The following WWOX variants were observed in gnomAD, a reference collection of about 807,000 sequenced individuals.
The protein encoded by WWOX is WW domain-containing oxidoreductase.
A neutral mutation model predicts 46.2 loss-of-function variants in WWOX; 69 were observed. The observed-to-expected ratio is 1.49, with a 90% CI of 1.23 to 1.82. WWOX has a LOEUF of 1.82. Among genes scored for constraint, WWOX ranks in the 40% most tolerant of loss-of-function variants. The pLI, the probability that WWOX is intolerant of heterozygous loss-of-function variation, is 0.00. For synonymous variants in WWOX, 359 were observed against 202.6 expected (o/e 1.77, Z -6.56); for missense variants, 919 against 542.6 (o/e 1.69, Z -6.89).
chr16:79,017,610 A>G (rs1340984923), intron 8 of WWOX, among the ~76,000 whole-genome samples: 1 of 152,102 alleles, frequency 6.6e-6, no homozygotes, highest in African/African-American at 2.4e-5. Flanking sequence ...AGCCATGGAC[A>G]ATTCATAAAT....
In WWOX at chr16:79,051,075, C is replaced by T. The variant is rs2048158589; in HGVS notation, c.1057-160533C>T. 2.0e-5 allele frequency among the ~76,000 whole-genome samples: 3 copies of T among 152,224 alleles called. No homozygotes were observed. The South Asian group carries it at 6.2e-4, about 32-fold the overall frequency. On this transcript the variant is annotated intron_variant, in intron 8 of 8. Coordinates refer to ENST00000566780, the MANE Select transcript of WWOX (RefSeq NM_016373.4). ...AAGGAAGCTGTAGCCATTATATTTG[C>T]TGCCATCACAACAGTAAAATAAACA...
At chr16:78,985,969 C>G (rs1369004414) in intron 8 of WWOX, among the ~76,000 whole-genome samples, 1 of 152,224 alleles carries the variant, frequency 6.6e-6, no homozygotes, top group African/African-American at 2.4e-5. Flanking sequence ...AAGTTCATGG[C>G]TCAGAGCCAA....
chr16:79,172,215 T>G (rs1443369964), intron 8 of WWOX, among the ~76,000 whole-genome samples: 1 of 152,214 alleles, frequency 6.6e-6, no homozygotes, highest in Non-Finnish European at 1.5e-5. Context: ...CTTGTTTTAT[T>G]TCCCCACTTG....
At position 78,675,832 on chromosome 16, in the gene WWOX, T is replaced by A. The variant is rs79227389; in HGVS notation, c.1056+243080T>A. On this transcript the variant is annotated intron_variant, in intron 8 of 8. Coordinates refer to ENST00000566780, the MANE Select transcript of WWOX (RefSeq NM_016373.4). The stretch of plus-strand genomic sequence containing the variant: ...GTACTAAAAAATTATTAAAAGAAAA[T>A]ATATATATTTTTTTAAATCATGACT... 6.7e-3 allele frequency among the ~76,000 whole-genome samples: 1,023 copies of A among 151,880 alleles called. 13 individuals are homozygous for A. The highest frequency in any genetic ancestry group is 0.023 in the African/African-American group (946 of 41,432).
At position 78,126,270 on chromosome 16, in the gene WWOX, G is replaced by A. The variant is rs147370763; in HGVS notation, c.409+11116G>A. ...TCTATAGTTTTATTTTGTGGAAGTG[G>A]AATTGCTGAATGAAGTGATTTGCTC... is the stretch of plus-strand genomic sequence containing the variant. On this transcript the variant is annotated intron_variant, in intron 4 of 8. Transcript: ENST00000566780. 4.7e-3 allele frequency among the ~76,000 whole-genome samples: 718 copies of A among 152,228 alleles called. 6 individuals are homozygous for A. Among genetic ancestry groups the A allele is most frequent in the Non-Finnish European group, 7.8e-3 (532 of 68,014 alleles).
chr16:78,434,634 G>C (rs1228329721), intron 8 of WWOX, among the ~76,000 whole-genome samples: 1 of 152,164 alleles, frequency 6.6e-6, no homozygotes, highest in Non-Finnish European at 1.5e-5. Context: ...ACTTGTATTT[G>C]ATCATTGATG....
intron 8 of WWOX, among the ~76,000 whole-genome samples, chr16:78,519,105 G>A (rs1010367291): frequency 2.0e-5 from 3 of 152,216 alleles, no homozygotes; most frequent in Non-Finnish European, 2.9e-5. Context: ...AGTGGGGCCA[G>A]TTGGCTCCGT....
chr16:78,973,577 G>A (rs747229379), intron 8 of WWOX, among the ~76,000 whole-genome samples: 25 of 152,150 alleles, frequency 1.6e-4, no homozygotes, highest in Non-Finnish European at 1.5e-5. Flanking sequence ...AGGGGGCACA[G>A]TTTTTCTTTC....
At chr16:79,033,358 A>C (rs892439743) in intron 8 of WWOX, among the ~76,000 whole-genome samples, 5 of 149,294 alleles carry the variant, frequency 3.3e-5, no homozygotes, top group Non-Finnish European at 7.4e-5. Context: ...TAATATATAC[A>C]TAATATATAA....
At chr16:78,903,365 C>G (rs1376302323) in intron 8 of WWOX, among the ~76,000 whole-genome samples, 3 of 152,158 alleles carry the variant, frequency 2.0e-5, no homozygotes, top group Non-Finnish European at 4.4e-5. Flanking sequence ...CAGAGTTGCT[C>G]TTTTATGCAA....
At chr16:78,953,796 C>A (rs1205761664) in intron 8 of WWOX, among the ~76,000 whole-genome samples, 1 of 152,236 alleles carries the variant, frequency 6.6e-6, no homozygotes, top group East Asian at 1.9e-4. Flanking sequence ...TCAGATTCTA[C>A]CTACCCTGAG....
chr16:79,186,099 G>A (rs1377137761), intron 8 of WWOX, among the ~76,000 whole-genome samples: 1 of 152,008 alleles, frequency 6.6e-6, no homozygotes, highest in African/African-American at 2.4e-5. Context: ...CTGTGGCTGT[G>A]GGCCTCTGTG....
intron 5 of WWOX, among the ~76,000 whole-genome samples, chr16:78,176,121 C>T (rs1597311361): frequency 1.3e-5 from 2 of 152,312 alleles, no homozygotes; most frequent in South Asian, 4.2e-4. Flanking sequence ...CAGAATCTTC[C>T]TCTGAGCGTC....
At chr16:78,917,101 G>A (rs1447609329) in intron 8 of WWOX, among the ~76,000 whole-genome samples, 1 of 152,150 alleles carries the variant, frequency 6.6e-6, no homozygotes, top group Non-Finnish European at 1.5e-5. Context: ...GACCAGACTT[G>A]CTCTTTTCCT....
At chr16:78,939,247 GC>G (rs1567662936) in intron 8 of WWOX, among the ~76,000 whole-genome samples, 2 of 152,142 alleles carry the variant, frequency 1.3e-5, no homozygotes, top group African/African-American at 4.8e-5. Flanking sequence ...TGGGTGTTGG[GC>G]TTTAAAGATG....
chr16:78,717,176 G>A (rs1477685349), intron 8 of WWOX, among the ~76,000 whole-genome samples: 1 of 152,224 alleles, frequency 6.6e-6, no homozygotes, highest in Admixed American at 6.5e-5. Flanking sequence ...CAGGCTTAGT[G>A]GTTGACCTAG....
chr16:78,947,814 C>A (rs1404452798), intron 8 of WWOX, among the ~76,000 whole-genome samples: 2 of 152,034 alleles, frequency 1.3e-5, no homozygotes, highest in African/African-American at 4.8e-5. Flanking sequence ...GCATAAAAGC[C>A]AAAATATGTA....
At chr16:78,836,184 T>A (rs1165161893) in intron 8 of WWOX, among the ~76,000 whole-genome samples, 1 of 152,182 alleles carries the variant, frequency 6.6e-6, no homozygotes, top group Non-Finnish European at 1.5e-5. Flanking sequence ...GCATTTTTTT[T>A]TTTTAACAGT....
In WWOX at chr16:78,668,625, A is replaced by T. The variant is rs1213530539; in HGVS notation, c.1056+235873A>T. Among the ~76,000 whole-genome samples, 5 of 152,162 alleles carry T rather than the reference A, an allele frequency of 3.3e-5. No individual in the cohort carries two copies. The East Asian group carries it at 9.6e-4, about 29-fold the overall frequency. On this transcript the variant is annotated intron_variant, in intron 8 of 8. Coordinates refer to ENST00000566780, the MANE Select transcript of WWOX (RefSeq NM_016373.4). ...GTTGTTATCTGCGGGGAACAGGTGA[A>T]GGAGTGACAGCAGGGGGTGAGGATA... is the stretch of plus-strand genomic sequence containing the variant.
Sources: gnomAD v4.1 joint callset for allele counts (sites outside exome capture counted in the v4.1 genomes callset) on GRCh38, gnomAD v4.1.1 for gene constraint, MANE v1.5 for transcripts, NCBI Gene and HGNC (gene_info 2026-07-23, HGNC 2026-07-21) for gene names.